Variants in SAMD12 observed in about 807,000 individuals in gnomAD.
SAMD12 encodes sterile alpha motif domain containing 12.
SAMD12 carries 9 observed loss-of-function variants against 15.0 expected under a neutral mutation model. The observed-to-expected ratio is 0.60, with a 90% confidence interval of 0.36 to 1.05. SAMD12 has a LOEUF of 1.05. Among genes scored for constraint, SAMD12 ranks in the 50% least tolerant of loss-of-function variants. The probability of loss-of-function intolerance (pLI) is 0.01; values close to 1 mark genes in which losing one functional copy is unlikely to be tolerated. For missense variants in SAMD12, 230 were observed against 234.2 expected (o/e 0.98, Z 0.12); for synonymous variants, 86 against 90.1 (o/e 0.96, Z 0.25).
At chr8:118,394,823 A>C (rs1373838429) in intron 3 of SAMD12, 1 of 152,234 alleles carries the variant, frequency 6.6e-6, no homozygotes, top group Non-Finnish European at 1.5e-5. Context: ...TGGGAGAAAC[A>C]TATGAGGAGA....
At chr8:118,579,873 A>G (rs151261406) in intron 2 of SAMD12, among the ~76,000 whole-genome samples, 127 of 152,270 alleles carry the variant, frequency 8.3e-4, no homozygotes, top group African/African-American at 2.9e-3. Context: ...TGTGCCCCCA[A>G]CATGAACATC....
chr8:118,188,837 T>G (rs1056618239), downstream of SAMD12, among the ~76,000 whole-genome samples: 3 of 152,156 alleles, frequency 2.0e-5, no homozygotes, highest in Non-Finnish European at 4.4e-5. Flanking sequence ...TGGAGGGTAT[T>G]GCGGATGTTT....
At chr8:118,504,381 A>C (rs907807225) in intron 2 of SAMD12, among the ~76,000 whole-genome samples, 1 of 152,218 alleles carries the variant, frequency 6.6e-6, no homozygotes, top group Non-Finnish European at 1.5e-5. Flanking sequence ...AGGGCCTGCC[A>C]CAAGTCAAGG....
chr8:118,440,987 A>G (rs1474122800), intron 2 of SAMD12, among the ~76,000 whole-genome samples: 1 of 152,110 alleles, frequency 6.6e-6, no homozygotes, highest in Non-Finnish European at 1.5e-5. Context: ...CGTGGCCATT[A>G]TTATCCCTGC....
intron 4 of SAMD12, among the ~76,000 whole-genome samples, chr8:118,262,417 A>T (rs574629865): frequency 8.5e-5 from 13 of 152,126 alleles, no homozygotes; most frequent in Non-Finnish European, 1.8e-4. Context: ...CTTCCCCATA[A>T]GAGAAAGAAA....
At chr8:118,492,194 T>G (rs1306339022) in intron 2 of SAMD12, among the ~76,000 whole-genome samples, 1 of 151,974 alleles carries the variant, frequency 6.6e-6, no homozygotes, top group Non-Finnish European at 1.5e-5. Flanking sequence ...GATTCTGATT[T>G]GCATTTTCCT....
intron 1 of SAMD12, among the ~76,000 whole-genome samples, chr8:118,588,302 G>A (rs954401517): frequency 6.6e-6 from 1 of 152,168 alleles, no homozygotes; most frequent in Non-Finnish European, 1.5e-5. Flanking sequence ...TTAGCTAATA[G>A]AAAGGGAGCA....
intron 2 of SAMD12, among the ~76,000 whole-genome samples, chr8:118,538,006 A>G (rs1739497575): frequency 6.6e-6 from 1 of 152,186 alleles, no homozygotes. Flanking sequence ...TTGCAGCCAC[A>G]TCTGCACTAG....
intron 1 of SAMD12, among the ~76,000 whole-genome samples, chr8:118,594,555 T>C (rs928111571): frequency 6.6e-6 from 1 of 151,668 alleles, no homozygotes; most frequent in Non-Finnish European, 1.5e-5. Flanking sequence ...GAGGTGGAAA[T>C]AAAAGCTGTG....
At chr8:118,165,635 T>TATGTGTATATATATATATATAC in the SAMD12 span, among the ~76,000 whole-genome samples, 5 of 129,430 alleles carry the variant, frequency 3.9e-5, no homozygotes, top group African/African-American at 8.4e-5. Context: ...TATATATATA[T>TATGTGTATATATATATATATAC]ACATATATAT....
intron 4 of SAMD12, among the ~76,000 whole-genome samples, chr8:118,316,096 C>T (rs767414391): frequency 2.6e-5 from 4 of 152,062 alleles, no homozygotes; most frequent in African/African-American, 4.8e-5. Context: ...ACATGCTGTT[C>T]GAAGGAAAGT....
chr8:118,204,710 C>A (rs1195482764), intron 4 of SAMD12, among the ~76,000 whole-genome samples: 1 of 151,808 alleles, frequency 6.6e-6, no homozygotes, highest in Non-Finnish European at 1.5e-5. Context: ...GCCGAGATTG[C>A]GTCACTGCAC....
chr8:118,292,971 C>T (rs1358208762), intron 4 of SAMD12, among the ~76,000 whole-genome samples: 5 of 151,778 alleles, frequency 3.3e-5, no homozygotes, highest in Non-Finnish European at 7.4e-5. Flanking sequence ...TTAGTGGGTG[C>T]AGCGCACCAG....
At chr8:118,275,215 T>C (rs924059223) in intron 4 of SAMD12, among the ~76,000 whole-genome samples, 1 of 152,182 alleles carries the variant, frequency 6.6e-6, no homozygotes, top group African/African-American at 2.4e-5. Flanking sequence ...TTATTGAGAT[T>C]ACACAGTTTT....
chr8:118,553,602 C>T (rs577933456), intron 2 of SAMD12, among the ~76,000 whole-genome samples: 5 of 149,386 alleles, frequency 3.3e-5, no homozygotes, highest in Non-Finnish European at 4.5e-5. Flanking sequence ...TAGGCATTAC[C>T]ATTCAGGACA....
At chr8:118,200,566 G>A (rs1819687538) in intron 4 of SAMD12, among the ~76,000 whole-genome samples, 1 of 152,168 alleles carries the variant, frequency 6.6e-6, no homozygotes, top group South Asian at 2.1e-4. Context: ...GCCATAATGA[G>A]TGGGGCATTG....
At chr8:118,543,631 C>CTTTTTTTTTTTTTTTT (rs397978436) in intron 2 of SAMD12, among the ~76,000 whole-genome samples, 6 of 116,632 alleles carry the variant, frequency 5.1e-5, no homozygotes, top group African/African-American at 1.8e-4. Flanking sequence ...TTCTTTCTTT[C>CTTTTTTTTTTTTTTTT]TTTTTTTTTT....
chr8:118,189,190 T>C (rs1586323764), downstream of SAMD12, among the ~76,000 whole-genome samples: 2 of 152,258 alleles, frequency 1.3e-5, no homozygotes, highest in South Asian at 4.2e-4. Context: ...ATTGCAATTA[T>C]GCTGGTGGGA....
chr8:118,620,938 G>T (rs1447046763), intron 1 of SAMD12: 4 of 152,172 alleles, frequency 2.6e-5, no homozygotes, highest in African/African-American at 9.7e-5. Context: ...CCTCTAATGT[G>T]ACATCACAAA....
Sources: gnomAD v4.1 joint callset for allele counts (sites outside exome capture counted in the v4.1 genomes callset) on GRCh38, gnomAD v4.1.1 for gene constraint, MANE v1.5 for transcripts, NCBI Gene and HGNC (gene_info 2026-07-23, HGNC 2026-07-21) for gene names.